Variants in PINX1 observed in about 807,000 individuals in gnomAD.
The protein encoded by PINX1 is PIN2 (TERF1) interacting telomerase inhibitor 1, also known as PIN2/TERF1-interacting telomerase inhibitor 1.
In PINX1, 34 loss-of-function variants were observed where a neutral mutation model predicts 25.4. The observed-to-expected ratio is 1.34, with a 90% confidence interval of 1.02 to 1.78. PINX1 has a LOEUF of 1.78. Among genes scored for constraint, PINX1 ranks in the 40% most tolerant of loss-of-function variants. PINX1 has a pLI of 0.00. For synonymous variants in PINX1, 197 were observed against 147.7 expected (o/e 1.33, Z -2.42); for missense variants, 592 against 404.9 (o/e 1.46, Z -3.97).
chr8:10,804,247 C>G (rs1454993399), intron 6 of PINX1, among the ~76,000 whole-genome samples: 1 of 152,192 alleles, frequency 6.6e-6, no homozygotes, highest in Non-Finnish European at 1.5e-5. Context: ...GTGTTAGCCG[C>G]CGGGGGCAGT....
intron 5 of PINX1, among the ~76,000 whole-genome samples, chr8:10,825,728 C>T (rs1343057881): frequency 1.3e-5 from 2 of 152,108 alleles, no homozygotes; most frequent in Non-Finnish European, 2.9e-5. Flanking sequence ...CTGGAGGTAT[C>T]AATATAGAGC....
chr8:10,776,622 C>T (rs10089615), intron 6 of PINX1, among the ~76,000 whole-genome samples: 96,258 of 151,888 alleles, frequency 0.63, 31,605 homozygotes, highest in African/African-American at 0.79. Flanking sequence ...CCGCCTCAAG[C>T]TGCTAACTGG....
intron 6 of PINX1, among the ~76,000 whole-genome samples, chr8:10,798,670 T>C (rs1802166157): frequency 6.6e-6 from 1 of 152,180 alleles, no homozygotes; most frequent in Admixed American, 6.5e-5. Context: ...TCCTCCTCAA[T>C]TACTTTTGCA....
intron 4 of PINX1, among the ~76,000 whole-genome samples, chr8:10,826,775 G>C (rs1798063208): frequency 6.6e-6 from 1 of 152,200 alleles, no homozygotes; most frequent in Non-Finnish European, 1.5e-5. Flanking sequence ...TCCATCTACA[G>C]AACATTCTCG....
chr8:10,782,413 T>C (rs1380687131), intron 6 of PINX1, among the ~76,000 whole-genome samples: 1 of 135,920 alleles, frequency 7.4e-6, no homozygotes, highest in South Asian at 2.3e-4. Flanking sequence ...GCTTTAAATA[T>C]ACTCGATAAA....
intron 6 of PINX1, among the ~76,000 whole-genome samples, chr8:10,802,454 T>C (rs1269731783): frequency 6.6e-6 from 1 of 152,354 alleles, no homozygotes; most frequent in African/African-American, 2.4e-5. Context: ...AGGCCTGGAA[T>C]AGCTTTGTAC....
At chr8:10,790,409 A>G (rs547429812) in intron 6 of PINX1, among the ~76,000 whole-genome samples, 1 of 152,292 alleles carries the variant, frequency 6.6e-6, no homozygotes, top group South Asian at 2.1e-4. Context: ...GAGCGATGAG[A>G]TGACAGGCAA....
rs187794491 is a variant in PINX1, at chr8:10,766,164, G to C, written c.472-248C>G. ...CACACTCCGGCTGGGTACCAGGTGGGGTGGTAGATGACAGGCAGAAGCTAA... is the reference window on the plus strand; with the variant it reads ...CACACTCCGGCTGGGTACCAGGTGGCGTGGTAGATGACAGGCAGAAGCTAA... On this transcript the variant is annotated intron_variant, in intron 6 of 6. Coordinates refer to ENST00000314787, the MANE Select transcript of PINX1 (RefSeq NM_017884.6). Among the ~76,000 whole-genome samples the C allele has an allele frequency of 3.2e-4, 48 of 152,338 alleles. No homozygotes were observed. The East Asian group carries it at 7.9e-3, about 25-fold the overall frequency.
intron 5 of PINX1, chr8:10,825,374 A>G (rs1414759700): frequency 1.9e-6 from 1 of 534,714 alleles, no homozygotes; most frequent in Non-Finnish European, 3.8e-6. Context: ...ACTAGATATT[A>G]CAGCATCAGC....
intron 6 of PINX1, chr8:10,787,971 A>G (rs1237984173): frequency 2.7e-6 from 1 of 364,284 alleles, no homozygotes; most frequent in Non-Finnish European, 5.3e-6. Flanking sequence ...GGGAAACTTG[A>G]ACATTGACTG....
At chr8:10,769,383 T>C (rs1385350085) in intron 6 of PINX1, among the ~76,000 whole-genome samples, 1 of 152,216 alleles carries the variant, frequency 6.6e-6, no homozygotes, top group Non-Finnish European at 1.5e-5. Context: ...GTCAAAAACA[T>C]TTGATGACTG....
intron 6 of PINX1, chr8:10,787,736 A>G (rs1353398356): frequency 2.2e-6 from 1 of 452,142 alleles, no homozygotes; most frequent in Non-Finnish European, 4.4e-6. Context: ...AAGTGAATAC[A>G]TTAAAGCCCA....
At chr8:10,776,373 C>A (rs549817116) in intron 6 of PINX1, among the ~76,000 whole-genome samples, 11 of 151,922 alleles carry the variant, frequency 7.2e-5, no homozygotes, top group African/African-American at 2.7e-4. Flanking sequence ...TGCAGTGAGC[C>A]GAAGTCGTGC....
intron 6 of PINX1, among the ~76,000 whole-genome samples, chr8:10,772,618 G>A (rs1477412175): frequency 2.0e-5 from 3 of 152,244 alleles, no homozygotes; most frequent in Admixed American, 6.5e-5. Flanking sequence ...GAGCAGCCTC[G>A]GGGAATTTGC....
rs556525493 is a variant in PINX1 at position 10,827,188 on chromosome 8, G to A, written c.302-944C>T. ...GCCTGTAATTATTTCAAAATAAAAA[G>A]TTCCTTTAAAAAGTAAATAAAGGTA... On this transcript the variant is annotated intron_variant, in intron 4 of 6. Coordinates refer to ENST00000314787, the MANE Select transcript of PINX1 (RefSeq NM_017884.6). Among the ~76,000 whole-genome samples, 7 of 152,266 alleles carry A rather than the reference G, an allele frequency of 4.6e-5. No homozygotes were observed. The South Asian group carries it at 1.2e-3, about 27-fold the overall frequency.
chr8:10,820,297 T>A lies in PINX1; in HGVS notation c.395-28A>T, dbSNP rs200772169. 2.0e-5 allele frequency: 30 copies of A among 1,484,398 alleles called. No individual in the cohort carries two copies. In the East Asian group the frequency reaches 6.6e-4, roughly 32 times the overall value. The allele number at this position is 1,484,398 out of a possible 1,614,324, so 92.0% of individuals were successfully genotyped here. ...AGAAAAACAATGTGATGCTTTTCAG[T>A]AAGACTGTTCTTCCTAAAAGAAAGA... On this transcript the variant is annotated intron_variant, in intron 5 of 6. Transcript: ENST00000314787.
At chr8:10,768,641 G>T (rs191882492) in intron 6 of PINX1, among the ~76,000 whole-genome samples, 1 of 152,102 alleles carries the variant, frequency 6.6e-6, no homozygotes, top group East Asian at 1.9e-4. Flanking sequence ...CTTAATGCGG[G>T]GGTAGCCACC....
intron 6 of PINX1, among the ~76,000 whole-genome samples, chr8:10,775,396 C>G (rs1801356122): frequency 9.5e-6 from 1 of 105,362 alleles, no homozygotes; most frequent in African/African-American, 3.5e-5. Context: ...AGGATTAGTT[C>G]TGTCTGTTTT....
At chr8:10,809,838 G>C (rs989821944) in intron 6 of PINX1, among the ~76,000 whole-genome samples, 3 of 152,226 alleles carry the variant, frequency 2.0e-5, no homozygotes, top group Non-Finnish European at 4.4e-5. Flanking sequence ...AGTTGTGTTA[G>C]TCTGTTTTTG....
Sources: allele counts gnomAD v4.1 joint callset (sites outside exome capture counted in the v4.1 genomes callset), GRCh38; gene constraint gnomAD v4.1.1; transcripts MANE v1.5; gene names NCBI Gene and HGNC (gene_info 2026-07-23, HGNC 2026-07-21).